VPS13B: variants seen among roughly 807,000 people sequenced by gnomAD.
VPS13B encodes vacuolar protein sorting 13 homolog B, also known as intermembrane lipid transfer protein VPS13B.
VPS13B carries 285 observed loss-of-function variants against 426.4 expected under a neutral mutation model. The ratio of observed to expected loss-of-function variants is 0.67; its 90% CI spans 0.61 to 0.74. The LOEUF is 0.74. Among genes scored for constraint, VPS13B ranks in the 30% least tolerant of loss-of-function variants. The pLI is 0.00. For missense variants in VPS13B, 4,537 were observed against 4,782.6 expected, an observed-to-expected ratio of 0.95 and a Z score of 1.51; for synonymous variants, 1,676 against 1,676.4, an observed-to-expected ratio of 1.00 and a Z score of 0.01.
chr8:99,582,295 G>T (rs1361717870), intron 33 of VPS13B, among the ~76,000 whole-genome samples: 1 of 152,132 alleles, frequency 6.6e-6, no homozygotes, highest in African/African-American at 2.4e-5. Context: ...ATACATCAAA[G>T]TAGCATCAAT....
intron 1 of VPS13B, 59 bp from the exon 2 acceptor site, chr8:99,013,701 C>G: frequency 6.5e-7 from 1 of 1,536,584 alleles, no homozygotes; most frequent in Non-Finnish European, 9.0e-7. Flanking sequence ...CCTGAGATAA[C>G]GAACGCTCTT....
intron 21 of VPS13B, among the ~76,000 whole-genome samples, chr8:99,420,541 A>T (rs1166969748): frequency 6.6e-6 from 1 of 152,130 alleles, no homozygotes; most frequent in Non-Finnish European, 1.5e-5. Flanking sequence ...ATCCAATTCT[A>T]TCTAATTGGT....
At chr8:99,735,605 G>A (rs1033443480) in intron 39 of VPS13B, among the ~76,000 whole-genome samples, 4 of 152,170 alleles carry the variant, frequency 2.6e-5, no homozygotes, top group African/African-American at 9.7e-5. Flanking sequence ...TGACACCTCA[G>A]TTTCAGACTT....
chr8:99,352,534 A>C (rs1811947351), intron 19 of VPS13B, among the ~76,000 whole-genome samples: 1 of 152,210 alleles, frequency 6.6e-6, no homozygotes, highest in African/African-American at 2.4e-5. Flanking sequence ...TTTGACTAAC[A>C]AGTAAAAGAA....
rs1346853825 is a variant in VPS13B at position 99,502,872 on chromosome 8, C to T, written c.4079C>T (p.Ala1360Val). 6.2e-7 allele frequency: 1 copy of T among 1,613,450 alleles called. No individual in the cohort carries two copies. ...GTCAGTGAACTAGAAGATCTCAGTG[C>T]TTCCATAGATGTCCAGGATGTATAT... ...CMVSELEDLSASIDVQDVYTK... is the reference protein window; with the variant it reads ...CMVSELEDLSVSIDVQDVYTK... Residue 1360 changes from alanine (A) to valine (V), a missense_variant, in exon 27 of 62, where the codon GCT (alanine) becomes GTT (valine). Ala to Val is a moderately conservative substitution (Grantham distance 64). Coordinates refer to ENST00000357162, the MANE Select transcript of VPS13B (RefSeq NM_152564.5).
chr8:99,013,857 G>A lies in VPS13B; in HGVS notation c.69G>A (p.Pro23=), dbSNP rs570877761. The A allele has an allele frequency of 5.6e-6, 9 of 1,614,130 alleles. No homozygotes were observed. The highest frequency in any genetic ancestry group is 4.0e-5 in the African/African-American group (3 of 75,010). Residue 23 remains proline (P), a synonymous_variant, in exon 2 of 62, where the codon CCG becomes CCA. Coordinates refer to ENST00000357162, the MANE Select transcript of VPS13B (RefSeq NM_152564.5). ...ATCGCTACATCAAGAACTTAAAGCC[G>A]TCGGATCTACAGCTTTCACTATGGG... ...YVNRYIKNLK[P]SDLQLSLWGG...
intron 19 of VPS13B, among the ~76,000 whole-genome samples, chr8:99,319,109 A>T (rs1407155609): frequency 6.6e-6 from 1 of 152,208 alleles, no homozygotes; most frequent in Non-Finnish European, 1.5e-5. Context: ...AGTAATTTAT[A>T]ATAGAAGCAC....
intron 37 of VPS13B, among the ~76,000 whole-genome samples, chr8:99,719,889 T>C (rs1833068168): frequency 6.6e-6 from 1 of 152,174 alleles, no homozygotes; most frequent in Non-Finnish European, 1.5e-5. Context: ...AATCTCCCTC[T>C]AAAAGTGCAG....
chr8:99,442,697 G>T, intron 23 of VPS13B, 62 bp downstream of exon 23: 1 of 1,522,352 alleles, frequency 6.6e-7, no homozygotes. Flanking sequence ...AGATTTGTTG[G>T]TGTTTTTAAA....
At chr8:99,553,307 T>C (rs1824380649) in intron 30 of VPS13B, among the ~76,000 whole-genome samples, 1 of 152,120 alleles carries the variant, frequency 6.6e-6, no homozygotes, top group African/African-American at 2.4e-5. Context: ...CAATTTGTTA[T>C]GAGAGCCAGG....
chr8:99,571,397 CA>C (rs745821609), intron 31 of VPS13B, among the ~76,000 whole-genome samples: 94 of 152,152 alleles, frequency 6.2e-4, no homozygotes, highest in Non-Finnish European at 1.1e-3. Context: ...ACCATTACCT[CA>C]AATATTTACC....
chr8:99,355,246 C>T (rs1396659424), intron 19 of VPS13B, among the ~76,000 whole-genome samples: 1 of 152,106 alleles, frequency 6.6e-6, no homozygotes, highest in African/African-American at 2.4e-5. Context: ...CCTATTAAAG[C>T]CCCCTCTTTT....
Position 99,766,805 on chromosome 8 carries a change from T to C in VPS13B, c.7082T>C (p.Leu2361Pro), listed in dbSNP as rs1433568342. ...TGTAGCTTGGAATACTGGGATGAAC[T>C]CCAGAAGGTTTTTGTTGCATTTAGA... Reference protein sequence around the residue: ...VPCSLEYWDELQKVFVAFREF... With the variant: ...VPCSLEYWDEPQKVFVAFREF... Residue 2361 changes from leucine (L) to proline (P), a missense_variant, in exon 40 of 62, where the codon CTC becomes CCC. Leu to Pro is a moderately conservative substitution (Grantham distance 98). Coordinates refer to ENST00000357162, the MANE Select transcript of VPS13B (RefSeq NM_152564.5). The C allele has an allele frequency of 6.2e-6, 10 of 1,613,810 alleles. No individual in the cohort carries two copies. Among genetic ancestry groups the C allele is most frequent in the Non-Finnish European group, 8.5e-6 (10 of 1,179,946 alleles).
chr8:99,337,078 G>A (rs917788632), intron 19 of VPS13B, among the ~76,000 whole-genome samples: 5 of 152,030 alleles, frequency 3.3e-5, no homozygotes, highest in Admixed American at 3.3e-4. Context: ...GTTTATTGCG[G>A]CACTATTCAC....
chr8:99,046,763 A>AT (rs533949954), intron 3 of VPS13B, among the ~76,000 whole-genome samples: 4 of 151,674 alleles, frequency 2.6e-5, no homozygotes, highest in Non-Finnish European at 5.9e-5. Context: ...AGGATGCCAT[A>AT]TTTTTTTTGA....
chr8:99,524,936 G>C (rs1407404220), intron 30 of VPS13B, among the ~76,000 whole-genome samples: 6 of 152,176 alleles, frequency 3.9e-5, no homozygotes, highest in African/African-American at 1.4e-4. Context: ...TATACGCAGT[G>C]AGAATATCCT....
chr8:99,595,023 A>C (rs1826927960), intron 33 of VPS13B, among the ~76,000 whole-genome samples: 1 of 152,112 alleles, frequency 6.6e-6, no homozygotes, highest in Non-Finnish European at 1.5e-5. Context: ...ATTGAAAGAC[A>C]CTTGCATTTT....
At chr8:99,391,746 C>T in intron 21 of VPS13B, 42 bp downstream of exon 21, 1 of 1,604,184 alleles carries the variant, frequency 6.2e-7, no homozygotes, top group Non-Finnish European at 8.5e-7. Flanking sequence ...TTGTACTCTA[C>T]TTCTAAGCTA....
chr8:99,727,333 G>A (rs911473690), intron 39 of VPS13B, among the ~76,000 whole-genome samples: 5 of 152,232 alleles, frequency 3.3e-5, no homozygotes, highest in Admixed American at 3.3e-4. Flanking sequence ...ACAAAGATAT[G>A]CAAAGTAACT....
Sources: gnomAD v4.1 joint callset for allele counts (sites outside exome capture counted in the v4.1 genomes callset) on GRCh38, gnomAD v4.1.1 for gene constraint, MANE v1.5 for transcripts, NCBI Gene and HGNC (gene_info 2026-07-23, HGNC 2026-07-21) for gene names.